Variants in OR10J1 observed in about 807,000 individuals in gnomAD.
OR10J1 encodes the protein olfactory receptor 10J1.
For synonymous variants in OR10J1, 202 were observed against 143.8 expected (o/e 1.40, Z -2.89); for missense variants, 474 against 376.6 (o/e 1.26, Z -2.14).
the OR10J1 span, among the ~76,000 whole-genome samples, chr1:159,413,626 C>T: frequency 2.1e-5 from 3 of 144,084 alleles, no homozygotes; most frequent in Non-Finnish European, 3.0e-5. Context: ...ACTCATAGGT[C>T]GGAATTGAAC....
the OR10J1 span, among the ~76,000 whole-genome samples, chr1:159,400,183 C>T: frequency 4.6e-5 from 7 of 151,812 alleles, no homozygotes; most frequent in Non-Finnish European, 1.0e-4. Context: ...TACCCTAAAA[C>T]TTAAAGTATA....
At chr1:159,398,523 A>G in the OR10J1 span, among the ~76,000 whole-genome samples, 5 of 152,188 alleles carry the variant, frequency 3.3e-5, no homozygotes, top group African/African-American at 1.2e-4. Flanking sequence ...CAGGGAAGGA[A>G]TTCAGAATTC....
chr1:159,408,776 G>A, the OR10J1 span, among the ~76,000 whole-genome samples: 1 of 152,038 alleles, frequency 6.6e-6, no homozygotes, highest in African/African-American at 2.4e-5. Flanking sequence ...AAATCATTGA[G>A]CAAGGTGACT....
chr1:159,416,723 G>C, the OR10J1 span, among the ~76,000 whole-genome samples: 1 of 151,888 alleles, frequency 6.6e-6, no homozygotes, highest in African/African-American at 2.4e-5. Context: ...GATTTTCTTT[G>C]TTAGGAGGCC....
Position 159,440,902 on chromosome 1 carries a change from T to G in OR10J1, c.*181T>G, listed in dbSNP as rs1655928890. ...AATAAAGTTACTGGATGGAGTGTTA[T>G]CCCTATTTTTGGGGATAAATAGACA... is the stretch of plus-strand genomic sequence containing the variant. On this transcript the variant is annotated 3_prime_UTR_variant, in exon 1 of 1. Transcript: ENST00000423932. 3.3e-6 allele frequency: 2 copies of G among 603,644 alleles called. No homozygotes were observed. Among genetic ancestry groups the G allele is most frequent in the African/African-American group, 3.7e-5 (2 of 54,648 alleles). 37.4% of individuals were successfully genotyped at this position (603,644 alleles called of 1,614,324 possible). A position where few individuals can be genotyped will look rare whatever the true frequency, so the allele number is the denominator to read the frequency against.
the OR10J1 span, among the ~76,000 whole-genome samples, chr1:159,411,500 A>G: frequency 6.6e-6 from 1 of 151,998 alleles, no homozygotes; most frequent in Non-Finnish European, 1.5e-5. Flanking sequence ...AGTCTGTTTT[A>G]TCAGAGACTA....
chr1:159,414,738 TTC>T, the OR10J1 span, among the ~76,000 whole-genome samples: 2 of 150,852 alleles, frequency 1.3e-5, no homozygotes, highest in Non-Finnish European at 3.0e-5. Flanking sequence ...TCTTGGCATC[TTC>T]TGTTATTTAT....
upstream of OR10J1, among the ~76,000 whole-genome samples, chr1:159,433,531 G>T (rs1324265368): frequency 6.6e-6 from 1 of 152,058 alleles, no homozygotes; most frequent in Non-Finnish European, 1.5e-5. Flanking sequence ...ATGACACAAA[G>T]GGTACAAAAG....
In OR10J1 at chr1:159,440,141, C is replaced by A. The variant is rs767208837; in HGVS notation, c.350C>A (p.Ala117Glu). ...FGITNCFLLT[A>E]MGYDRYVAIC... Reference sequence around the variant, plus strand: ...ATCACTAACTGCTTCCTGCTCACAGCAATGGGATATGACCGCTATGTGGCC... The same window carrying A: ...ATCACTAACTGCTTCCTGCTCACAGAAATGGGATATGACCGCTATGTGGCC... The change falls in exon 1 of 1, where the codon GCA becomes GAA. Residue 117 changes from alanine (A) to glutamate (E), a missense_variant. Coordinates refer to ENST00000423932, the MANE Select transcript of OR10J1 (RefSeq NM_012351.3). The A allele has an allele frequency of 4.3e-6, 7 of 1,614,028 alleles. No homozygotes were observed. Among genetic ancestry groups the A allele is most frequent in the Non-Finnish European group, 5.9e-6 (7 of 1,180,024 alleles).
upstream of OR10J1, chr1:159,433,162 C>T (rs147063604): frequency 9.7e-5 from 39 of 400,872 alleles, no homozygotes; most frequent in East Asian, 1.3e-3. Context: ...CAATAACAAT[C>T]AAAGAAAAAG....
chr1:159,406,107 A>C, the OR10J1 span: 1 of 444,304 alleles, frequency 2.3e-6, no homozygotes, highest in Non-Finnish European at 4.5e-6. Context: ...GTGAGGATTC[A>C]AGAGGCGAGA....
chr1:159,403,253 G>C, the OR10J1 span, among the ~76,000 whole-genome samples: 1 of 151,968 alleles, frequency 6.6e-6, no homozygotes, highest in East Asian at 1.9e-4. Flanking sequence ...CAAATCAAAA[G>C]TGGACAAATG....
the OR10J1 span, among the ~76,000 whole-genome samples, chr1:159,413,955 G>A: frequency 2.0e-5 from 3 of 151,666 alleles, no homozygotes; most frequent in Non-Finnish European, 4.4e-5. Flanking sequence ...GGTTTTTTAG[G>A]TTTTTAAATT....
chr1:159,407,727 G>T, the OR10J1 span, among the ~76,000 whole-genome samples: 4 of 151,970 alleles, frequency 2.6e-5, 1 homozygote. Flanking sequence ...GATCTTAAAG[G>T]GAGAAGAATC....
At chr1:159,427,116 G>A in the OR10J1 span, among the ~76,000 whole-genome samples, 2 of 151,636 alleles carry the variant, frequency 1.3e-5, no homozygotes, top group East Asian at 3.9e-4. Flanking sequence ...ATGAGTTAAA[G>A]AAGAAACAAA....
the OR10J1 span, among the ~76,000 whole-genome samples, chr1:159,426,077 T>C: frequency 6.6e-6 from 1 of 151,904 alleles, no homozygotes; most frequent in African/African-American, 2.4e-5. Context: ...AACTGCATAG[T>C]GTGCATAGTA....
chr1:159,412,505 CA>C, the OR10J1 span, among the ~76,000 whole-genome samples: 1 of 145,936 alleles, frequency 6.9e-6, no homozygotes, highest in African/African-American at 2.6e-5. Context: ...ATCAACGGAA[CA>C]GAACAGAGCC....
the OR10J1 span, among the ~76,000 whole-genome samples, chr1:159,431,346 A>G: frequency 2.0e-5 from 3 of 152,292 alleles, no homozygotes; most frequent in Middle Eastern, 3.4e-3. Flanking sequence ...CTGAACAGAG[A>G]TGGAGCAAGT....
chr1:159,423,963 T>A, the OR10J1 span, among the ~76,000 whole-genome samples: 2 of 152,220 alleles, frequency 1.3e-5, no homozygotes, highest in Non-Finnish European at 2.9e-5. Flanking sequence ...ACATCTGTAA[T>A]CCCAGCAGTT....
Sources: gnomAD v4.1 joint callset for allele counts (sites outside exome capture counted in the v4.1 genomes callset) on GRCh38, gnomAD v4.1.1 for gene constraint, MANE v1.5 for transcripts, NCBI Gene and HGNC (gene_info 2026-07-23, HGNC 2026-07-21) for gene names.